ZFHX3: variants seen among roughly 807,000 people sequenced by gnomAD.
The protein encoded by ZFHX3 is zinc finger homeobox protein 3.
A neutral mutation model predicts 279.1 loss-of-function variants in ZFHX3; 42 were observed. The observed-to-expected ratio is 0.15, with a 90% CI of 0.12 to 0.19. ZFHX3 has a LOEUF of 0.19. Ranked by LOEUF, ZFHX3 falls within the 10% of genes least tolerant of loss-of-function variation. ZFHX3 has a pLI of 1.00. For synonymous variants in ZFHX3, 2,293 were observed against 1,957.8 expected, an observed-to-expected ratio of 1.17 and a Z score of -4.52; for missense variants, 4,981 against 4,754.0, an observed-to-expected ratio of 1.05 and a Z score of -1.40.
intron 2 of ZFHX3, among the ~76,000 whole-genome samples, chr16:73,671,382 G>A (rs2052902471): frequency 6.6e-6 from 1 of 152,176 alleles, no homozygotes. Flanking sequence ...GCAAAGAGAC[G>A]GCCGGAGCTG....
chr16:73,202,377 A>G (rs2011637733), intron 5 of ZFHX3, among the ~76,000 whole-genome samples: 1 of 152,264 alleles, frequency 6.6e-6, no homozygotes, highest in African/African-American at 2.4e-5. Flanking sequence ...GCCACATGGA[A>G]GAGAAATATG....
At chr16:73,249,819 G>A (rs1254965809) in intron 5 of ZFHX3, among the ~76,000 whole-genome samples, 1 of 97,360 alleles carries the variant, frequency 1.0e-5, no homozygotes, top group Non-Finnish European at 2.2e-5. Context: ...AATTGAACAG[G>A]CACTTCACAC....
chr16:73,100,849 G>A (rs546200788), intron 7 of ZFHX3, among the ~76,000 whole-genome samples: 71 of 152,102 alleles, frequency 4.7e-4, no homozygotes, highest in Admixed American at 7.9e-4. Context: ...TGCCCATCTC[G>A]GCCTCCCAAT....
intron 1 of ZFHX3, among the ~76,000 whole-genome samples, chr16:73,741,734 A>G (rs991123561): frequency 6.6e-6 from 1 of 152,202 alleles, no homozygotes; most frequent in Non-Finnish European, 1.5e-5. Flanking sequence ...TTTATTCTTA[A>G]GAAAGTTTCA....
At chr16:73,147,676 A>G (rs1363405477) in intron 5 of ZFHX3, among the ~76,000 whole-genome samples, 2 of 124,820 alleles carry the variant, frequency 1.6e-5, no homozygotes, top group Non-Finnish European at 3.2e-5. Context: ...TGGGCGACAG[A>G]GCGAGACTCC....
chr16:73,127,467 G>A, intron 7 of ZFHX3: 1 of 1,305,442 alleles, frequency 7.7e-7, no homozygotes. Context: ...CGAGAGCCGG[G>A]CATCGACAGG....
chr16:73,078,182 A>G (rs887706168), intron 8 of ZFHX3, among the ~76,000 whole-genome samples: 1 of 151,810 alleles, frequency 6.6e-6, no homozygotes, highest in Non-Finnish European at 1.5e-5. Context: ...AGTATGAAAA[A>G]CCTCATTGTT....
chr16:73,754,771 G>A (rs912760413), intron 1 of ZFHX3, among the ~76,000 whole-genome samples: 2 of 152,108 alleles, frequency 1.3e-5, no homozygotes, highest in Non-Finnish European at 2.9e-5. Flanking sequence ...AAAAAAAGGA[G>A]AGATTAATGA....
intron 3 of ZFHX3, chr16:73,401,364 AAAACAAAACACACAC>A (rs1281577516): frequency 7.7e-4 from 106 of 138,032 alleles, no homozygotes; most frequent in African/African-American, 2.8e-3. Flanking sequence ...CAAAAAACAA[AAAACAAAACACACAC>A]ACACACACAC....
chr16:73,055,244 A>C (rs898003104), intron 1 of ZFHX3, among the ~76,000 whole-genome samples: 1 of 151,958 alleles, frequency 6.6e-6, no homozygotes, highest in African/African-American at 2.4e-5. Context: ...GCCTGAACTC[A>C]ATAGGGTTTT....
At chr16:72,961,272 A>C (rs922614177) in intron 1 of ZFHX3, among the ~76,000 whole-genome samples, 3 of 152,164 alleles carry the variant, frequency 2.0e-5, no homozygotes, top group African/African-American at 7.2e-5. Flanking sequence ...CTACCCAACC[A>C]GCTGTCGTTC....
rs1296591236 is a variant in ZFHX3, at chr16:72,786,651, G to A, written c.*513C>T. The stretch of plus-strand genomic sequence containing the variant: ...CAATGATTCTGAAAACAAAGTGTGA[G>A]CGATTGACCTGAGAATAAAAAGACA... On this transcript the variant is annotated 3_prime_UTR_variant, in exon 10 of 10. Transcript: ENST00000268489. The A allele has an allele frequency of 6.6e-6, 1 of 150,898 alleles. No individual in the cohort carries two copies. The highest frequency in any genetic ancestry group is 1.5e-5 in the Non-Finnish European group (1 of 67,774). The allele number at this position is 150,898 out of a possible 1,614,324, so 9.3% of individuals were successfully genotyped here. A position where few individuals can be genotyped will look rare whatever the true frequency, so the allele number is the denominator to read the frequency against.
chr16:73,178,946 C>T (rs1567411157), intron 5 of ZFHX3, among the ~76,000 whole-genome samples: 1 of 152,122 alleles, frequency 6.6e-6, no homozygotes, highest in Non-Finnish European at 1.5e-5. Context: ...TTAGTCACTA[C>T]AGGGGATACA....
chr16:73,823,576 G>A (rs1446865576), intron 1 of ZFHX3, among the ~76,000 whole-genome samples: 1 of 152,198 alleles, frequency 6.6e-6, no homozygotes, highest in Non-Finnish European at 1.5e-5. Flanking sequence ...TTGTGCCACT[G>A]CCTGTTTTTG....
rs568544360 is a variant in ZFHX3, at chr16:72,970,549, C to T, written c.-49-10355G>A. On this transcript the variant is annotated intron_variant, in intron 1 of 9. Transcript: ENST00000268489. Reference sequence around the variant, plus strand: ...TCCCCTCCCGGATTTGCAGCAGAACCTCCTTTCACCAAATACCATTGCTTT... The same window carrying T: ...TCCCCTCCCGGATTTGCAGCAGAACTTCCTTTCACCAAATACCATTGCTTT... Among the ~76,000 whole-genome samples, 7 of 152,230 alleles carry T rather than the reference C, an allele frequency of 4.6e-5. No individual in the cohort carries two copies. In the South Asian group the frequency reaches 1.5e-3, roughly 32 times the overall value.
chr16:73,028,986 T>A (rs1440296161), intron 1 of ZFHX3, among the ~76,000 whole-genome samples: 1 of 152,080 alleles, frequency 6.6e-6, no homozygotes, highest in African/African-American at 2.4e-5. Context: ...AAGGGGAAAG[T>A]CAATCCCAGC....
intron 5 of ZFHX3, among the ~76,000 whole-genome samples, chr16:73,219,979 G>T (rs985332684): frequency 6.6e-6 from 1 of 152,036 alleles, no homozygotes; most frequent in Non-Finnish European, 1.5e-5. Flanking sequence ...CTGGCTACTC[G>T]GGAGCCTGAG....
chr16:73,737,487 T>G (rs1359014703), intron 1 of ZFHX3, among the ~76,000 whole-genome samples: 1 of 152,202 alleles, frequency 6.6e-6, no homozygotes, highest in East Asian at 1.9e-4. Flanking sequence ...CTGAAGTTTC[T>G]GAGAAAATGC....
chr16:73,848,166 G>A (rs1055561830), intron 1 of ZFHX3, among the ~76,000 whole-genome samples: 3 of 152,046 alleles, frequency 2.0e-5, no homozygotes, highest in South Asian at 4.2e-4. Flanking sequence ...ATTTCAGTGG[G>A]GGCAACATTT....
Sources: allele counts gnomAD v4.1 joint callset (sites outside exome capture counted in the v4.1 genomes callset), GRCh38; gene constraint gnomAD v4.1.1; transcripts MANE v1.5; gene names NCBI Gene and HGNC (gene_info 2026-07-23, HGNC 2026-07-21).